The following CFAP206 variants were observed in gnomAD, a reference collection of about 807,000 sequenced individuals.
CFAP206 encodes cilia and flagella associated protein 206.
CFAP206 carries 53 observed loss-of-function variants against 65.4 expected under a neutral mutation model. That is an observed-to-expected ratio of 0.81 (90% CI 0.65 to 1.02). CFAP206 has a LOEUF of 1.02. CFAP206 is among the 50% of genes least tolerant of loss of function. The pLI is 0.00. For synonymous variants in CFAP206, 250 were observed against 254.4 expected, an observed-to-expected ratio of 0.98 and a Z score of 0.17; for missense variants, 663 against 753.2, an observed-to-expected ratio of 0.88 and a Z score of 1.40.
At chr6:87,427,065 A>G (rs1428307225) in intron 8 of CFAP206, among the ~76,000 whole-genome samples, 1 of 152,216 alleles carries the variant, frequency 6.6e-6, no homozygotes, top group African/African-American at 2.4e-5. Context: ...TATCTGCACC[A>G]TTTTATGGAC....
At chr6:87,443,152 G>T (rs1454786351) in intron 11 of CFAP206, among the ~76,000 whole-genome samples, 1 of 152,030 alleles carries the variant, frequency 6.6e-6, no homozygotes, top group Non-Finnish European at 1.5e-5. Context: ...GTGATTACAG[G>T]AATTTTTTCC....
intron 11 of CFAP206, among the ~76,000 whole-genome samples, chr6:87,448,622 A>G (rs1768487653): frequency 6.6e-6 from 1 of 151,896 alleles, no homozygotes; most frequent in African/African-American, 2.4e-5. Context: ...TCTAACTGTA[A>G]TTTTGTCCCC....
intron 11 of CFAP206, chr6:87,442,162 G>A (rs1768371142): frequency 6.4e-6 from 1 of 155,480 alleles, no homozygotes; most frequent in Non-Finnish European, 1.4e-5. Context: ...TGAGACTAGA[G>A]AACAATCAAC....
chr6:87,419,116 CGTTTGTTTTTTTTTTT>C (rs1381065156), intron 7 of CFAP206, among the ~76,000 whole-genome samples: 9 of 149,204 alleles, frequency 6.0e-5, no homozygotes, highest in African/African-American at 2.2e-4. Context: ...CTCAAAAAAA[CGTTTGTTTTTTTTTTT>C]GTTTTTTTTT....
At chr6:87,434,162 G>C (rs1396044712) in intron 10 of CFAP206, among the ~76,000 whole-genome samples, 1 of 152,148 alleles carries the variant, frequency 6.6e-6, no homozygotes, top group Non-Finnish European at 1.5e-5. Flanking sequence ...AGCACTTCGG[G>C]AGGCCGAAGT....
chr6:87,426,285 A>G (rs1174610856), intron 7 of CFAP206, among the ~76,000 whole-genome samples: 1 of 152,226 alleles, frequency 6.6e-6, no homozygotes, highest in Non-Finnish European at 1.5e-5. Context: ...GAATACCTGT[A>G]TACATTTAAG....
chr6:87,420,556 T>C (rs958748583), intron 7 of CFAP206, among the ~76,000 whole-genome samples: 4 of 152,234 alleles, frequency 2.6e-5, no homozygotes, highest in African/African-American at 9.6e-5. Flanking sequence ...TTAACTTCCC[T>C]GTGCCTTGGT....
chr6:87,459,241 C>T (rs1768700906), intron 11 of CFAP206, among the ~76,000 whole-genome samples: 1 of 152,088 alleles, frequency 6.6e-6, no homozygotes, highest in African/African-American at 2.4e-5. Flanking sequence ...TCATTTTACT[C>T]TGAATTCAAA....
At chr6:87,437,825 A>ATTTTTT (rs1206669821) in intron 11 of CFAP206, among the ~76,000 whole-genome samples, 2 of 104,492 alleles carry the variant, frequency 1.9e-5, no homozygotes, top group Non-Finnish European at 3.9e-5. Context: ...TGCCTGGCTA[A>ATTTTTT]TTTTTTTTTT....
intron 10 of CFAP206, among the ~76,000 whole-genome samples, chr6:87,434,171 G>A (rs113066017): frequency 9.7e-4 from 147 of 152,246 alleles, no homozygotes; most frequent in Non-Finnish European, 1.6e-3. Context: ...GGAGGCCGAA[G>A]TGAGCAGATC....
chr6:87,427,982 C>CTTTTTTTTT (rs10693817), intron 8 of CFAP206, among the ~76,000 whole-genome samples: 1 of 93,920 alleles, frequency 1.1e-5, no homozygotes, highest in African/African-American at 4.5e-5. Flanking sequence ...CTCCACCCTC[C>CTTTTTTTTT]TTTTTTTTTT....
rs186386688 is a variant in CFAP206, at chr6:87,437,895, G to C, written c.1494+2842G>C. On this transcript the variant is annotated intron_variant, in intron 11 of 12. Transcript: ENST00000369562. ...GACGGTGCCTCACTTTGTTGCTCAGGCTGGTCTTGAACTCCTAGGCTCAAG... is the reference window on the plus strand; with the variant it reads ...GACGGTGCCTCACTTTGTTGCTCAGCCTGGTCTTGAACTCCTAGGCTCAAG... Among the ~76,000 whole-genome samples, 18 of 147,856 alleles carry C rather than the reference G, an allele frequency of 1.2e-4. No homozygotes were observed. The East Asian group carries it at 3.6e-3, about 30-fold the overall frequency.
chr6:87,437,406 T>C (rs758015358), intron 11 of CFAP206, among the ~76,000 whole-genome samples: 4 of 152,178 alleles, frequency 2.6e-5, no homozygotes, highest in Admixed American at 6.5e-5. Flanking sequence ...TTTCTGTTTT[T>C]AAGTTGTTGA....
At chr6:87,411,591 G>A (rs949347841) in intron 3 of CFAP206, among the ~76,000 whole-genome samples, 4 of 152,010 alleles carry the variant, frequency 2.6e-5, no homozygotes, top group African/African-American at 4.8e-5. Context: ...AATTCTTTGC[G>A]TAGGCCAATG....
intron 7 of CFAP206, among the ~76,000 whole-genome samples, chr6:87,422,705 T>C (rs1363795845): frequency 1.3e-5 from 2 of 150,442 alleles, no homozygotes; most frequent in African/African-American, 4.9e-5. Context: ...GAGCTGAGAT[T>C]GCACCACTGC....
At chr6:87,439,857 A>G (rs970981569) in intron 11 of CFAP206, among the ~76,000 whole-genome samples, 1 of 151,988 alleles carries the variant, frequency 6.6e-6, no homozygotes, top group African/African-American at 2.4e-5. Flanking sequence ...TGCACTCTCT[A>G]TTATGTTCAG....
At chr6:87,423,195 A>C (rs968057847) in intron 7 of CFAP206, among the ~76,000 whole-genome samples, 1 of 151,752 alleles carries the variant, frequency 6.6e-6, no homozygotes, top group Non-Finnish European at 1.5e-5. Flanking sequence ...CTGGGATTAC[A>C]GGCGTGAGCC....
At chr6:87,425,636 G>A (rs969655170) in intron 7 of CFAP206, among the ~76,000 whole-genome samples, 4 of 152,122 alleles carry the variant, frequency 2.6e-5, no homozygotes, top group Non-Finnish European at 5.9e-5. Context: ...AAAGATCACC[G>A]TAAAATTGAA....
At chr6:87,410,725 T>TA in intron 3 of CFAP206, 57 bp downstream of exon 3, 1 of 1,275,774 alleles carries the variant, frequency 7.8e-7, no homozygotes, top group Non-Finnish European at 1.1e-6. Flanking sequence ...GTAAATACAA[T>TA]ATTTGTATTA....
Sources: allele counts gnomAD v4.1 joint callset (sites outside exome capture counted in the v4.1 genomes callset), GRCh38; gene constraint gnomAD v4.1.1; transcripts MANE v1.5; gene names NCBI Gene and HGNC (gene_info 2026-07-23, HGNC 2026-07-21).